Variants in MYO10 observed in about 807,000 individuals in gnomAD.
MYO10 encodes the protein myosin X, also known as unconventional myosin-X.
MYO10 carries 133 observed loss-of-function variants against 257.3 expected under a neutral mutation model. The observed-to-expected ratio is 0.52, with a 90% CI of 0.45 to 0.60. The LOEUF is 0.60. Among genes scored for constraint, MYO10 ranks in the 20% least tolerant of loss-of-function variants. MYO10 has a pLI of 0.00. For synonymous variants in MYO10, 1,104 were observed against 1,028.6 expected (o/e 1.07, Z -1.40); for missense variants, 2,399 against 2,635.7 (o/e 0.91, Z 1.97).
At chr5:16,779,520 G>A (rs1186055654) in intron 9 of MYO10, 25 bp downstream of exon 9, 1 of 1,372,348 alleles carries the variant, frequency 7.3e-7, no homozygotes, top group Admixed American at 2.4e-5. Context: ...TATCTTAATA[G>A]GGAAAACATT....
intron 1 of MYO10, among the ~76,000 whole-genome samples, chr5:16,895,723 T>G (rs1162032297): frequency 7.0e-6 from 1 of 142,854 alleles, no homozygotes; most frequent in Non-Finnish European, 1.5e-5. Flanking sequence ...ACTCTGGCCA[T>G]GATGTAAGCC....
chr5:16,732,861 C>T (rs553398193), intron 19 of MYO10, among the ~76,000 whole-genome samples: 5 of 152,226 alleles, frequency 3.3e-5, no homozygotes, highest in Admixed American at 6.5e-5. Flanking sequence ...GAGCTGAGCG[C>T]GGTGGCTCAT....
At chr5:16,829,895 ACACACACGCACACG>A (rs1743113329) in intron 2 of MYO10, among the ~76,000 whole-genome samples, 1 of 148,794 alleles carries the variant, frequency 6.7e-6, no homozygotes, top group African/African-American at 2.5e-5. Context: ...ATACACACAC[ACACACACGCACACG>A]CACACGCACA....
chr5:16,671,005 C>T (rs371592547), intron 38 of MYO10, 27 bp from the exon 39 acceptor site: 14 of 1,573,970 alleles, frequency 8.9e-6, no homozygotes, highest in South Asian at 4.7e-5. Flanking sequence ...AACAGCTTTC[C>T]GGTCAACGCA....
chr5:16,689,599 C>T (rs1040209915), intron 28 of MYO10, among the ~76,000 whole-genome samples: 1 of 151,746 alleles, frequency 6.6e-6, no homozygotes, highest in African/African-American at 2.4e-5. Flanking sequence ...TCTAGTGGCA[C>T]TGGAGGCTGG....
intron 39 of MYO10, among the ~76,000 whole-genome samples, chr5:16,669,488 G>A (rs1299245615): frequency 6.6e-6 from 1 of 152,142 alleles, no homozygotes; most frequent in East Asian, 1.9e-4. Context: ...ACAGGCATGA[G>A]CCACCGCGCC....
chr5:16,675,036 T>C lies in MYO10; in HGVS notation c.4781A>G (p.Gln1594Arg), dbSNP rs1364592128. The C allele has an allele frequency of 1.2e-6, 2 of 1,613,866 alleles. No individual in the cohort carries two copies. Among genetic ancestry groups the C allele is most frequent in the African/African-American group, 2.7e-5 (2 of 74,918 alleles). Residue 1594 changes from glutamine (Q) to arginine (R), a missense_variant, in exon 35 of 41, where the codon CAG becomes CGG. This residue lies in a region of MYO10 where 1,820 missense variants were observed against 1,939.4 expected (regional missense o/e 0.94). Coordinates refer to ENST00000513610, the MANE Select transcript of MYO10 (RefSeq NM_012334.3). ...DPIPIIQGIL[Q>R]TGHDLRPLRD... is the part of the protein sequence containing the mutation. ...CAGAGGTCGCAGGTCATGCCCTGTC[T>C]GTAGGATGCCCTGGATTATTGGAAT...
In MYO10 at chr5:16,802,907, C is replaced by T. The variant is rs192728672; in HGVS notation, c.280-8074G>A. ...TCACTTGAGCCCAGGAGTTCAAGAC[C>T]GGCCTGGGCAACACAGTGAGATCCT... On this transcript the variant is annotated intron_variant, in intron 3 of 40. Transcript: ENST00000513610. Among the ~76,000 whole-genome samples, 651 of 150,082 alleles carry T rather than the reference C, an allele frequency of 4.3e-3. 5 individuals carry two copies. The highest frequency in any genetic ancestry group is 0.014 in the African/African-American group (574 of 40,852).
chr5:16,678,316 A>G (rs1736830292), intron 33 of MYO10, among the ~76,000 whole-genome samples: 7 of 152,192 alleles, frequency 4.6e-5, no homozygotes, highest in Admixed American at 2.6e-4. Context: ...CCAGTGGCTC[A>G]TGCCTGTTAT....
intron 19 of MYO10, among the ~76,000 whole-genome samples, chr5:16,752,687 T>C (rs55955839): frequency 2.0e-5 from 3 of 152,176 alleles, no homozygotes; most frequent in African/African-American, 7.2e-5. Context: ...CGCCATCGGA[T>C]ACTGAGCAAC....
chr5:16,931,493 A>G (rs1274567851), intron 1 of MYO10, among the ~76,000 whole-genome samples: 1 of 152,132 alleles, frequency 6.6e-6, no homozygotes, highest in Non-Finnish European at 1.5e-5. Context: ...TTGATTTTGC[A>G]GGAACAGCCG....
chr5:16,663,269 G>A lies in MYO10; in HGVS notation c.*3423C>T, dbSNP rs1475961667. The A allele has an allele frequency of 2.1e-5, 3 of 144,508 alleles. No individual in the cohort carries two copies. The highest frequency in any genetic ancestry group is 7.8e-5 in the African/African-American group (3 of 38,574). The allele number at this position is 144,508 out of a possible 1,614,324, so 9.0% of individuals were successfully genotyped here. Reference sequence around the variant, plus strand: ...AAACAGTAAAAATAGCTGTTTCTGGGAAAGGAAAATGGGTAATTAGGGCTA... The same window carrying A: ...AAACAGTAAAAATAGCTGTTTCTGGAAAAGGAAAATGGGTAATTAGGGCTA... On this transcript the variant is annotated 3_prime_UTR_variant, in exon 41 of 41. Transcript: ENST00000513610.
At chr5:16,748,465 G>C (rs932278601) in intron 19 of MYO10, among the ~76,000 whole-genome samples, 1 of 151,658 alleles carries the variant, frequency 6.6e-6, no homozygotes, top group Admixed American at 6.6e-5. Context: ...GGCTGGTCTC[G>C]AACTCCTGGC....
chr5:16,680,213 G>GAC, intron 32 of MYO10, 109 bp from the exon 33 acceptor site: 1 of 1,316,208 alleles, frequency 7.6e-7, no homozygotes, highest in South Asian at 1.5e-5. Flanking sequence ...CAATTCAATA[G>GAC]ACACTGGCTT....
chr5:16,861,182 T>C (rs1183973771), intron 2 of MYO10, among the ~76,000 whole-genome samples: 1 of 151,288 alleles, frequency 6.6e-6, no homozygotes, highest in African/African-American at 2.4e-5. Flanking sequence ...GCGTGGAAGC[T>C]GAGATTGTGA....
intron 3 of MYO10, among the ~76,000 whole-genome samples, chr5:16,806,646 T>TC: frequency 1.5e-5 from 1 of 68,624 alleles, no homozygotes; most frequent in East Asian, 5.1e-4. Flanking sequence ...AGACTCCGTC[T>TC]CAAAAAAAAA....
At chr5:16,680,168 C>T (rs555447728) in intron 32 of MYO10, 64 bp from the exon 33 acceptor site, 5 of 1,550,250 alleles carry the variant, frequency 3.2e-6, no homozygotes, top group South Asian at 2.4e-5. Context: ...GAGGCAATGC[C>T]TGTGTCCTCT....
chr5:16,884,553 C>G (rs1198123412), intron 1 of MYO10, among the ~76,000 whole-genome samples: 1 of 152,086 alleles, frequency 6.6e-6, no homozygotes, highest in African/African-American at 2.4e-5. Context: ...TTTAGGAGAT[C>G]TCTAATGTAG....
At chr5:16,865,917 G>A (rs1744232602) in intron 2 of MYO10, among the ~76,000 whole-genome samples, 1 of 151,746 alleles carries the variant, frequency 6.6e-6, no homozygotes, top group Non-Finnish European at 1.5e-5. Flanking sequence ...TTTGGAAATG[G>A]TGTGATAACA....
Sources: gnomAD v4.1 joint callset for allele counts (sites outside exome capture counted in the v4.1 genomes callset) on GRCh38, gnomAD v4.1.1 for gene constraint, gnomAD v4.1.1 regional missense constraint, MANE v1.5 for transcripts, NCBI Gene and HGNC (gene_info 2026-07-23, HGNC 2026-07-21) for gene names.